PTPRT: variants seen among roughly 807,000 people sequenced by gnomAD.
PTPRT encodes protein tyrosine phosphatase receptor type T.
In PTPRT, 56 loss-of-function variants were observed where a neutral mutation model predicts 176.8. The ratio of observed to expected loss-of-function variants is 0.32; its 90% CI spans 0.26 to 0.40. The LOEUF (loss-of-function observed/expected upper bound fraction) is 0.40. Among genes scored for constraint, PTPRT ranks in the 10% least tolerant of loss-of-function variants. PTPRT has a pLI of 1.00. For synonymous variants in PTPRT, 783 were observed against 739.0 expected (o/e 1.06, Z -0.96); for missense variants, 1,540 against 1,908.2 (o/e 0.81, Z 3.60).
At chr20:42,060,781 T>C in the PTPRT span, among the ~76,000 whole-genome samples, 48 of 152,324 alleles carry the variant, frequency 3.2e-4, no homozygotes, top group African/African-American at 1.1e-3. Context: ...AAGAGACGAA[T>C]ACACTCTGTA....
rs542871166 is a variant in PTPRT at position 42,895,908 on chromosome 20, G to A, written c.89-9976C>T. On this transcript the variant is annotated intron_variant, in intron 1 of 30. Transcript: ENST00000373187. ...TTAGCAGTCACTGAATTTTAATACA[G>A]TCCCGTGTATTGCCATTTGAATGTA... 1.2e-3 allele frequency among the ~76,000 whole-genome samples: 187 copies of A among 152,196 alleles called. 3 individuals carry two copies. The highest frequency in any genetic ancestry group is 4.1e-3 in the African/African-American group (169 of 41,526).
At chr20:42,775,120 T>C (rs1305781123) in intron 4 of PTPRT, among the ~76,000 whole-genome samples, 1 of 152,176 alleles carries the variant, frequency 6.6e-6, no homozygotes, top group Non-Finnish European at 1.5e-5. Flanking sequence ...CACTCCACAC[T>C]GAGACCCAAT....
At chr20:43,185,605 C>A (rs954295334) in intron 1 of PTPRT, among the ~76,000 whole-genome samples, 3 of 152,276 alleles carry the variant, frequency 2.0e-5, no homozygotes, top group South Asian at 2.1e-4. Context: ...TTTGTAAAAG[C>A]AGTTGCAGGG....
At chr20:42,130,504 T>C (rs530114178) in intron 18 of PTPRT, among the ~76,000 whole-genome samples, 17 of 152,252 alleles carry the variant, frequency 1.1e-4, no homozygotes, top group African/African-American at 3.1e-4. Context: ...TAAACCTAAA[T>C]AGCTGACAGG....
chr20:42,297,763 T>C (rs1274112704), intron 12 of PTPRT, among the ~76,000 whole-genome samples: 3 of 152,146 alleles, frequency 2.0e-5, no homozygotes, highest in Admixed American at 6.6e-5. Context: ...TCTCAAATTA[T>C]CGGGACAAAA....
chr20:42,116,006 GT>G lies in PTPRT; in HGVS notation c.2983-692del, dbSNP rs1987260688. 1.1e-5 allele frequency: 8 copies of G among 717,250 alleles called. No homozygotes were observed. In the Admixed American group the frequency reaches 1.4e-4, roughly 13 times the overall value. The allele number at this position is 717,250 out of a possible 1,614,324, so 44.4% of individuals were successfully genotyped here. On this transcript the variant is annotated intron_variant, in intron 21 of 30. Coordinates refer to ENST00000373187, the MANE Select transcript of PTPRT (RefSeq NM_007050.6). ...ACTCATGGATGAAAAAGAGATCATG[GT>G]TTTCCCCTTAAAAGAACAAAAGCAT...
intron 9 of PTPRT, among the ~76,000 whole-genome samples, chr20:42,377,754 G>A (rs765300642): frequency 7.2e-5 from 11 of 152,134 alleles, no homozygotes; most frequent in Non-Finnish European, 1.5e-4. Context: ...GCCTCAGTTC[G>A]CCACCTCTGT....
intron 3 of PTPRT, among the ~76,000 whole-genome samples, chr20:42,788,442 A>T (rs2077324212): frequency 1.3e-5 from 2 of 151,868 alleles, no homozygotes; most frequent in South Asian, 4.2e-4. Context: ...CTCTCTTCCT[A>T]ACTTTCCTTA....
At chr20:42,994,187 C>A (rs576972698) in intron 1 of PTPRT, among the ~76,000 whole-genome samples, 7 of 152,312 alleles carry the variant, frequency 4.6e-5, no homozygotes, top group African/African-American at 1.4e-4. Context: ...TCTTGCAGTT[C>A]TATCGAGACC....
chr20:42,894,141 G>A (rs139039881), intron 1 of PTPRT, among the ~76,000 whole-genome samples: 106 of 152,210 alleles, frequency 7.0e-4, no homozygotes, highest in East Asian at 3.1e-3. Flanking sequence ...CTAAGGAAGC[G>A]CCATAAGGCC....
chr20:42,515,693 G>A (rs962624232), intron 7 of PTPRT, among the ~76,000 whole-genome samples: 10 of 152,120 alleles, frequency 6.6e-5, no homozygotes, highest in South Asian at 4.1e-4. Flanking sequence ...TTCAAACAGC[G>A]TGGTCCATGT....
intron 6 of PTPRT, among the ~76,000 whole-genome samples, chr20:42,727,873 T>C (rs893509547): frequency 1.3e-5 from 2 of 152,142 alleles, no homozygotes; most frequent in African/African-American, 2.4e-5. Context: ...CTCTACTGGA[T>C]TGTATCTCTC....
intron 9 of PTPRT, among the ~76,000 whole-genome samples, chr20:42,420,964 A>G (rs1478534865): frequency 1.3e-5 from 2 of 152,142 alleles, no homozygotes; most frequent in Non-Finnish European, 2.9e-5. Context: ...AGGGGATTTC[A>G]CCACTGCCTC....
chr20:42,111,569 C>T (rs1182501589), intron 22 of PTPRT, among the ~76,000 whole-genome samples: 1 of 149,772 alleles, frequency 6.7e-6, no homozygotes, highest in Non-Finnish European at 1.5e-5. Context: ...TTGAAACAGA[C>T]TAATAGTGAA....
chr20:42,938,236 T>A (rs1442721956), intron 1 of PTPRT, among the ~76,000 whole-genome samples: 1 of 152,174 alleles, frequency 6.6e-6, no homozygotes, highest in African/African-American at 2.4e-5. Flanking sequence ...CAGGATGGAA[T>A]GTGCATATCA....
At chr20:42,573,965 G>A (rs946403133) in intron 7 of PTPRT, among the ~76,000 whole-genome samples, 6 of 151,982 alleles carry the variant, frequency 3.9e-5, no homozygotes, top group Admixed American at 1.3e-4. Flanking sequence ...GGCCAGGCTG[G>A]TCTTGAACTA....
intron 9 of PTPRT, among the ~76,000 whole-genome samples, chr20:42,400,932 G>C (rs2058900362): frequency 6.6e-6 from 1 of 151,908 alleles, no homozygotes; most frequent in African/African-American, 2.4e-5. Context: ...GCTATACTGG[G>C]AAGGAAGGAA....
At chr20:42,451,736 T>C (rs2070832390) in intron 8 of PTPRT, among the ~76,000 whole-genome samples, 1 of 152,066 alleles carries the variant, frequency 6.6e-6, no homozygotes, top group African/African-American at 2.4e-5. Context: ...AACTTGCCCA[T>C]TGAACCTACT....
intron 1 of PTPRT, among the ~76,000 whole-genome samples, chr20:42,999,758 A>C (rs1393435227): frequency 6.6e-6 from 1 of 151,928 alleles, no homozygotes; most frequent in African/African-American, 2.4e-5. Flanking sequence ...AGTGAGCTTT[A>C]ATTGAGCCAC....
Sources: gnomAD v4.1 joint callset for allele counts (sites outside exome capture counted in the v4.1 genomes callset) on GRCh38, gnomAD v4.1.1 for gene constraint, MANE v1.5 for transcripts, NCBI Gene and HGNC (gene_info 2026-07-23, HGNC 2026-07-21) for gene names.